TAFA1: variants seen among roughly 807,000 people sequenced by gnomAD.
TAFA1 encodes the protein chemokine-like protein TAFA-1.
Under a neutral mutation model 18.5 loss-of-function variants are expected in TAFA1, and 4 were observed. The ratio of observed to expected loss-of-function variants is 0.22; its 90% CI spans 0.11 to 0.49. The LOEUF is 0.49. TAFA1 is among the 20% of genes least tolerant of loss of function. The pLI is 0.98. For missense variants in TAFA1, 147 were observed against 169.0 expected (o/e 0.87, Z 0.72); for synonymous variants, 56 against 55.2 (o/e 1.01, Z -0.06).
At chr3:68,498,722 CTTTTTTTTTT>C (rs34030223) in intron 3 of TAFA1, among the ~76,000 whole-genome samples, 8 of 97,026 alleles carry the variant, frequency 8.2e-5, no homozygotes, top group East Asian at 3.0e-4. Flanking sequence ...CGTTTGGTGG[CTTTTTTTTTT>C]TTTTTTTTTT....
intron 2 of TAFA1, among the ~76,000 whole-genome samples, chr3:68,364,117 G>C (rs933824269): frequency 6.6e-6 from 1 of 152,206 alleles, no homozygotes; most frequent in Non-Finnish European, 1.5e-5. Flanking sequence ...AGTGACAACA[G>C]AAAGTGAAAT....
intron 2 of TAFA1, chr3:68,251,011 A>T (rs2067185548): frequency 6.6e-6 from 1 of 152,114 alleles, no homozygotes; most frequent in African/African-American, 2.4e-5. Flanking sequence ...ATGCCATACC[A>T]TTCCCAAATC....
At chr3:68,181,302 A>G (rs2066196231) in intron 2 of TAFA1, among the ~76,000 whole-genome samples, 1 of 151,532 alleles carries the variant, frequency 6.6e-6, no homozygotes. Context: ...GCTGAAATTT[A>G]GAGTAATTTG....
At chr3:68,511,325 G>A (rs1399869556) in intron 3 of TAFA1, among the ~76,000 whole-genome samples, 3 of 152,078 alleles carry the variant, frequency 2.0e-5, no homozygotes, top group South Asian at 2.1e-4. Context: ...ATTAGCAGAC[G>A]TAGTTGCCAT....
intron 2 of TAFA1, among the ~76,000 whole-genome samples, chr3:68,098,910 A>T (rs937808728): frequency 6.6e-6 from 1 of 152,126 alleles, no homozygotes; most frequent in African/African-American, 2.4e-5. Flanking sequence ...GGAGAAAATG[A>T]CTGCCTATTC....
chr3:68,485,940 A>G (rs2072328162), intron 3 of TAFA1, among the ~76,000 whole-genome samples: 1 of 151,908 alleles, frequency 6.6e-6, no homozygotes, highest in Non-Finnish European at 1.5e-5. Context: ...TGATAATTTT[A>G]TTTTTTTAAA....
chr3:68,411,858 C>T (rs758385446), intron 2 of TAFA1, among the ~76,000 whole-genome samples: 2 of 152,068 alleles, frequency 1.3e-5, no homozygotes, highest in Non-Finnish European at 2.9e-5. Flanking sequence ...TAAATTGCTC[C>T]GTTTGACTGT....
At chr3:68,358,888 C>T (rs1363274012) in intron 2 of TAFA1, among the ~76,000 whole-genome samples, 2 of 40,520 alleles carry the variant, frequency 4.9e-5, no homozygotes, top group Non-Finnish European at 1.0e-4. Context: ...TTTCTGTTTC[C>T]AGCCTACCTA....
At chr3:68,290,076 A>T (rs982027384) in intron 2 of TAFA1, among the ~76,000 whole-genome samples, 2 of 152,212 alleles carry the variant, frequency 1.3e-5, no homozygotes, top group Non-Finnish European at 2.9e-5. Context: ...TGGAAAAATA[A>T]AGATTCCCTG....
At chr3:68,239,000 A>C (rs2066964615) in intron 2 of TAFA1, among the ~76,000 whole-genome samples, 1 of 152,184 alleles carries the variant, frequency 6.6e-6, no homozygotes, top group Non-Finnish European at 1.5e-5. Flanking sequence ...GCTAATTTCT[A>C]AACAGGCATT....
intron 2 of TAFA1, among the ~76,000 whole-genome samples, chr3:68,308,946 G>T (rs184614817): frequency 6.6e-6 from 1 of 152,048 alleles, no homozygotes; most frequent in Non-Finnish European, 1.5e-5. Context: ...TTATCACCTT[G>T]CTTCTCCAGT....
intron 2 of TAFA1, among the ~76,000 whole-genome samples, chr3:68,032,220 C>T (rs1210333145): frequency 2.0e-5 from 3 of 151,840 alleles, no homozygotes; most frequent in Non-Finnish European, 4.4e-5. Context: ...TCAAACAATG[C>T]CTTAAAATAT....
chr3:68,305,655 G>T (rs1462646665), intron 2 of TAFA1, among the ~76,000 whole-genome samples: 7 of 151,718 alleles, frequency 4.6e-5, no homozygotes, highest in African/African-American at 7.3e-5. Flanking sequence ...ATTCTCCAGT[G>T]GGGTGGGGGT....
intron 3 of TAFA1, among the ~76,000 whole-genome samples, chr3:68,445,527 A>G (rs572823776): frequency 6.6e-6 from 1 of 152,294 alleles, no homozygotes; most frequent in South Asian, 2.1e-4. Flanking sequence ...ATACTGATGC[A>G]GTTGCAGACA....
At chr3:68,090,820 G>T (rs1269433432) in intron 2 of TAFA1, among the ~76,000 whole-genome samples, 1 of 152,174 alleles carries the variant, frequency 6.6e-6, no homozygotes, top group African/African-American at 2.4e-5. Flanking sequence ...CAACCAGGAA[G>T]TTAGTGGTAA....
chr3:68,310,048 T>C (rs1460472267), intron 2 of TAFA1, among the ~76,000 whole-genome samples: 1 of 152,192 alleles, frequency 6.6e-6, no homozygotes, highest in Non-Finnish European at 1.5e-5. Flanking sequence ...TATTGAAACT[T>C]ATATAAGCTA....
chr3:68,013,090 T>C (rs983051123), intron 2 of TAFA1, among the ~76,000 whole-genome samples: 3 of 152,180 alleles, frequency 2.0e-5, no homozygotes, highest in African/African-American at 7.2e-5. Flanking sequence ...TGGGCCAAGA[T>C]AATTCTGGAA....
chr3:68,479,241 A>AAAAAAATATAT lies in TAFA1; in HGVS notation c.260-59514_260-59513insAAAAATATATA, dbSNP rs1353493315. 5.7e-3 allele frequency among the ~76,000 whole-genome samples: 704 copies of AAAAAAATATAT among 123,576 alleles called. 14 individuals carry two copies. The highest frequency in any genetic ancestry group is 0.024 in the African/African-American group (675 of 27,682). 81.1% of individuals were successfully genotyped at this position (123,576 alleles called of 152,430 possible). A position where few individuals can be genotyped will look rare whatever the true frequency, so the allele number is the denominator to read the frequency against. On this transcript the variant is annotated intron_variant, in intron 3 of 4. Transcript: ENST00000478136. ...TGAGACTCCATCTCAAAAAAAAAAA[A>AAAAAAATATAT]ATATATATATATATATATATATGTC... is the stretch of plus-strand genomic sequence containing the variant.
At chr3:68,211,421 G>T (rs1349433612) in intron 2 of TAFA1, among the ~76,000 whole-genome samples, 1 of 152,002 alleles carries the variant, frequency 6.6e-6, no homozygotes, top group African/African-American at 2.4e-5. Context: ...TTTTCATAAT[G>T]ATTCCGTCTG....
Sources: gnomAD v4.1 joint callset for allele counts (sites outside exome capture counted in the v4.1 genomes callset) on GRCh38, gnomAD v4.1.1 for gene constraint, MANE v1.5 for transcripts, NCBI Gene and HGNC (gene_info 2026-07-23, HGNC 2026-07-21) for gene names.